The following BAZ2B variants were observed in gnomAD, a reference collection of about 807,000 sequenced individuals.
BAZ2B encodes bromodomain adjacent to zinc finger domain 2B.
In BAZ2B, 91 loss-of-function variants were observed where a neutral mutation model predicts 246.0. The ratio of observed to expected loss-of-function variants is 0.37; its 90% CI spans 0.31 to 0.44. The LOEUF (loss-of-function observed/expected upper bound fraction) is 0.44, where lower values mean the gene tolerates loss of function less well. Ranked by LOEUF, BAZ2B falls within the 20% of genes least tolerant of loss-of-function variation. BAZ2B has a pLI of 1.00. For synonymous variants in BAZ2B, 855 were observed against 860.0 expected (o/e 0.99, Z 0.10); for missense variants, 2,332 against 2,533.7 (o/e 0.92, Z 1.71).
intron 2 of BAZ2B, among the ~76,000 whole-genome samples, chr2:159,495,368 C>CCAG (rs2080972912): frequency 6.7e-6 from 1 of 148,704 alleles, no homozygotes; most frequent in Non-Finnish European, 1.5e-5. Flanking sequence ...GCCTGTAGTC[C>CCAG]CAGCTACTTG....
intron 16 of BAZ2B, among the ~76,000 whole-genome samples, chr2:159,401,038 G>A (rs560882772): frequency 2.6e-5 from 4 of 150,946 alleles, no homozygotes; most frequent in South Asian, 2.1e-4. Context: ...GCGAGACTCC[G>A]TCTCAAAATA....
chr2:159,429,352 G>T, intron 10 of BAZ2B, 92 bp from the exon 11 acceptor site: 1 of 709,042 alleles, frequency 1.4e-6, no homozygotes, highest in Non-Finnish European at 2.2e-6. Context: ...AAAAGTATAT[G>T]TTAATAACTT....
intron 1 of BAZ2B, among the ~76,000 whole-genome samples, chr2:159,583,629 A>T (rs1420636504): frequency 2.6e-5 from 4 of 152,184 alleles, no homozygotes; most frequent in Non-Finnish European, 4.4e-5. Flanking sequence ...TATTGTCTAG[A>T]TGCTACTCAT....
chr2:159,325,136 T>C (rs1389917959), intron 35 of BAZ2B, among the ~76,000 whole-genome samples, 182 bp from the exon 36 acceptor site: 825 of 44,974 alleles, frequency 0.018, 194 homozygotes, highest in African/African-American at 0.073. Flanking sequence ...TATATATATA[T>C]ATATATATAT....
chr2:159,446,803 T>G lies in BAZ2B; in HGVS notation c.675A>C (p.Arg225Ser). The change falls in exon 6 of 37, where the codon AGA becomes AGC. Residue 225 changes from arginine (R) to serine (S), a missense_variant. Arg to Ser is a moderately radical substitution (Grantham distance 110). Around this residue, in one of 9 missense-constraint regions of BAZ2B, gnomAD observed 161 missense variants for 225.8 expected, o/e 0.71. Coordinates refer to ENST00000392783, the MANE Select transcript of BAZ2B (RefSeq NM_013450.4). The part of the protein sequence containing the change: ...EQSKNQPLDA[R>S]VDKIKDKKPR... ...TTACCTTATCTTTGATTTTGTCAAC[T>G]CTAGCATCCAAAGGCTGGTTTTTGC... is the stretch of plus-strand genomic sequence containing the variant. 2 of 1,610,338 alleles carry G rather than the reference T, an allele frequency of 1.2e-6. No homozygotes were observed. Among genetic ancestry groups the G allele is most frequent in the Non-Finnish European group, 1.7e-6 (2 of 1,178,246 alleles).
At position 159,453,658 on chromosome 2, in the gene BAZ2B, TACCAAGTGTCCCCAAACC is replaced by T; in HGVS notation, c.271_288del (p.Gly91_Gly96del). On this transcript the variant is annotated inframe_deletion, in exon 4 of 37. Transcript: ENST00000392783. ...GGATGTGCGGCTAAGGCTGTGGGTGTACCAAGTGTCCCCAAACCACCAAATTCTGAATGCCCTGAGCTG... is the reference window on the plus strand; with the variant it reads ...GGATGTGCGGCTAAGGCTGTGGGTGTACCAAATTCTGAATGCCCTGAGCTG... 6.2e-7 allele frequency: 1 copy of T among 1,613,436 alleles called. No individual in the cohort carries two copies.
chr2:159,325,760 C>T lies in BAZ2B; in HGVS notation c.6102G>A (p.Lys2034=). Residue 2034 remains lysine, a synonymous_variant, in exon 35 of 37, where the codon AAG becomes AAA. Coordinates refer to ENST00000392783, the MANE Select transcript of BAZ2B (RefSeq NM_013450.4). ...AAGTGTTTTCCTCCATTTTTCTTTT[C>T]TTGAGGTCTTTGTTTCCTCTTTTTA... ...SSLKRGNKDL[K]KRKMEENTSI... 1.2e-6 allele frequency: 2 copies of T among 1,600,266 alleles called. No homozygotes were observed. Among genetic ancestry groups the T allele is most frequent in the East Asian group, 2.2e-5 (1 of 44,556 alleles).
At chr2:159,367,619 C>G (rs1027474995) in intron 27 of BAZ2B, among the ~76,000 whole-genome samples, 2 of 152,092 alleles carry the variant, frequency 1.3e-5, no homozygotes, top group Non-Finnish European at 2.9e-5. Context: ...GGCACAGTGG[C>G]TCACACCTGT....
At chr2:159,388,154 T>C (rs1405519187) in intron 21 of BAZ2B, among the ~76,000 whole-genome samples, 2 of 151,784 alleles carry the variant, frequency 1.3e-5, no homozygotes, top group East Asian at 3.9e-4. Flanking sequence ...AAAAAAGAGC[T>C]TACATAAATC....
intron 13 of BAZ2B, among the ~76,000 whole-genome samples, chr2:159,427,652 T>A (rs1405167043): frequency 6.6e-6 from 1 of 152,160 alleles, no homozygotes; most frequent in Non-Finnish European, 1.5e-5. Context: ...CTATATTTCA[T>A]ATGAAGATGC....
In BAZ2B at chr2:159,525,688, T is replaced by A. The variant is rs573769961; in HGVS notation, c.-3+30135A>T. Among the ~76,000 whole-genome samples the A allele has an allele frequency of 8.5e-5, 13 of 152,286 alleles. 1 individual carries two copies. The South Asian group carries it at 2.7e-3, about 32-fold the overall frequency. ...CATTTCAGATAAGGAATACTCAACC[T>A]GTACCTGGGCAGCATAAGAGCTTGT... On this transcript the variant is annotated intron_variant, in intron 2 of 36. Coordinates refer to ENST00000392783, the MANE Select transcript of BAZ2B (RefSeq NM_013450.4).
chr2:159,603,651 A>G (rs1692712190), intron 1 of BAZ2B, among the ~76,000 whole-genome samples: 1 of 151,044 alleles, frequency 6.6e-6, no homozygotes, highest in South Asian at 2.1e-4. Context: ...AAACTACCAA[A>G]TTTCTTTTCC....
chr2:159,571,989 G>A (rs1578493098), intron 1 of BAZ2B, among the ~76,000 whole-genome samples: 1 of 152,306 alleles, frequency 6.6e-6, no homozygotes, highest in East Asian at 1.9e-4. Flanking sequence ...GTTTCAACAT[G>A]ATTTTTGGAA....
intron 17 of BAZ2B, 133 bp downstream of exon 17, chr2:159,400,466 C>T (rs1158187568): frequency 5.1e-6 from 3 of 582,622 alleles, no homozygotes; most frequent in Admixed American, 3.3e-5. Flanking sequence ...AAGTTTTATT[C>T]TATGCAGAAT....
chr2:159,438,715 GGTAA>G lies in BAZ2B; in HGVS notation c.901-24_901-21del. 6.4e-7 allele frequency: 1 copy of G among 1,553,124 alleles called. No homozygotes were observed. Among genetic ancestry groups the G allele is most frequent in the Non-Finnish European group, 8.6e-7 (1 of 1,159,874 alleles). The stretch of plus-strand genomic sequence containing the variant: ...TAGCACCTAGATATAAAAATGAAAA[GGTAA>G]GTTCCTAACATCTATTAAGACAAAG... On this transcript the variant is annotated intron_variant, in intron 7 of 36. Coordinates refer to ENST00000392783, the MANE Select transcript of BAZ2B (RefSeq NM_013450.4).
At chr2:159,420,880 T>C (rs1576821632) in intron 13 of BAZ2B, among the ~76,000 whole-genome samples, 2 of 152,318 alleles carry the variant, frequency 1.3e-5, no homozygotes, top group South Asian at 4.1e-4. Context: ...GGAAATTTAT[T>C]TACCTTACAC....
intron 20 of BAZ2B, among the ~76,000 whole-genome samples, chr2:159,389,930 C>T (rs2063127177): frequency 6.6e-6 from 1 of 152,096 alleles, no homozygotes; most frequent in African/African-American, 2.4e-5. Context: ...TTATTCACCA[C>T]CATAAACAAC....
chr2:159,631,885 T>C, the BAZ2B span, among the ~76,000 whole-genome samples: 1 of 151,904 alleles, frequency 6.6e-6, no homozygotes, highest in Non-Finnish European at 1.5e-5. Context: ...AATACATGTA[T>C]GTGTATATAT....
intron 2 of BAZ2B, among the ~76,000 whole-genome samples, chr2:159,516,063 C>T (rs940013421): frequency 6.6e-6 from 1 of 151,962 alleles, no homozygotes; most frequent in South Asian, 2.1e-4. Flanking sequence ...TGTGTATGAG[C>T]TGGTTGGATT....
Sources: gnomAD v4.1 joint callset for allele counts (sites outside exome capture counted in the v4.1 genomes callset) on GRCh38, gnomAD v4.1.1 for gene constraint, gnomAD v4.1.1 regional missense constraint, MANE v1.5 for transcripts, NCBI Gene and HGNC (gene_info 2026-07-23, HGNC 2026-07-21) for gene names.